EYA2: variants seen among roughly 807,000 people sequenced by gnomAD.
EYA2 encodes EYA transcriptional coactivator and phosphatase 2, also known as protein phosphatase EYA2.
Under a neutral mutation model 69.2 loss-of-function variants are expected in EYA2, and 31 were observed. That is an observed-to-expected ratio of 0.45 (90% CI 0.34 to 0.60). The LOEUF is 0.60. EYA2 is among the 20% of genes least tolerant of loss of function. EYA2 has a pLI of 0.02. For missense variants in EYA2, 622 were observed against 701.2 expected (o/e 0.89, Z 1.28); for synonymous variants, 257 against 279.4 (o/e 0.92, Z 0.80).
intron 10 of EYA2, among the ~76,000 whole-genome samples, chr20:47,159,474 C>T (rs528153379): frequency 2.6e-5 from 4 of 152,084 alleles, no homozygotes; most frequent in African/African-American, 9.6e-5. Context: ...AGGACAACTA[C>T]GTGTCATGTG....
intron 9 of EYA2, among the ~76,000 whole-genome samples, chr20:47,120,207 C>CA (rs539637891): frequency 8.5e-4 from 126 of 148,236 alleles, no homozygotes; most frequent in African/African-American, 2.2e-3. Context: ...GACTCCGCCT[C>CA]AAAAAAAAAA....
In EYA2 at chr20:47,127,490, G is replaced by A. The variant is rs151154413; in HGVS notation, c.889-15569G>A. Among the ~76,000 whole-genome samples, 382 of 152,306 alleles carry A rather than the reference G, an allele frequency of 2.5e-3. 2 individuals are homozygous for A. The highest frequency in any genetic ancestry group is 3.5e-3 in the Non-Finnish European group (235 of 68,032). On this transcript the variant is annotated intron_variant, in intron 9 of 15. Transcript: ENST00000327619. ...GTAGTGGCACACACCTGTAATCCCA[G>A]CTACTCAGGAGGCTGAGGCAGGAGA... is the stretch of plus-strand genomic sequence containing the variant.
At chr20:47,036,944 G>A (rs1426727349) in intron 5 of EYA2, among the ~76,000 whole-genome samples, 2 of 152,146 alleles carry the variant, frequency 1.3e-5, no homozygotes, top group African/African-American at 4.8e-5. Flanking sequence ...TTTTCACACT[G>A]CTATAAATAA....
Position 47,039,050 on chromosome 20 carries a change from A to G in EYA2, c.415+22753A>G, listed in dbSNP as rs569280741. Among the ~76,000 whole-genome samples, 458 of 152,280 alleles carry G rather than the reference A, an allele frequency of 3.0e-3. 3 individuals are homozygous for G. The highest frequency in any genetic ancestry group is 4.6e-3 in the Non-Finnish European group (313 of 68,024). ...CTGAGCCGCAAGAGGCTTGGGGCCA[A>G]GAACTGTGTCCTGTCCCTGAAATGG... On this transcript the variant is annotated intron_variant, in intron 5 of 15. Coordinates refer to ENST00000327619, the MANE Select transcript of EYA2 (RefSeq NM_005244.5).
intron 14 of EYA2, among the ~76,000 whole-genome samples, chr20:47,181,806 T>C (rs760866265): frequency 7.2e-5 from 11 of 152,208 alleles, no homozygotes; most frequent in Non-Finnish European, 1.2e-4. Flanking sequence ...CCAAACATTA[T>C]ATGAAAGTGC....
intron 1 of EYA2, among the ~76,000 whole-genome samples, chr20:46,926,555 C>T (rs1985422372): frequency 2.0e-5 from 3 of 152,164 alleles, no homozygotes; most frequent in Admixed American, 1.3e-4. Context: ...GGTGCCCACC[C>T]ACTTTGGGGA....
chr20:47,063,393 G>A (rs1203826305), intron 5 of EYA2, among the ~76,000 whole-genome samples: 3 of 7,952 alleles, frequency 3.8e-4, no homozygotes, highest in Non-Finnish European at 6.3e-4. Flanking sequence ...GTGCGTGTGC[G>A]TGTGTGTGTG....
intron 9 of EYA2, among the ~76,000 whole-genome samples, chr20:47,101,150 A>G (rs2032412649): frequency 6.6e-6 from 1 of 152,124 alleles, no homozygotes; most frequent in Non-Finnish European, 1.5e-5. Flanking sequence ...CAGTAGCACA[A>G]TCATAGCTCA....
At chr20:46,914,385 G>A (rs916234818) in intron 1 of EYA2, among the ~76,000 whole-genome samples, 1 of 152,226 alleles carries the variant, frequency 6.6e-6, no homozygotes, top group Non-Finnish European at 1.5e-5. Flanking sequence ...TGGAGTGGGT[G>A]TGTATTACTC....
At chr20:46,960,111 A>G (rs73305640) in intron 1 of EYA2, among the ~76,000 whole-genome samples, 1 of 152,108 alleles carries the variant, frequency 6.6e-6, no homozygotes, top group African/African-American at 2.4e-5. Context: ...ATTTTGTTTT[A>G]TTTTTCTATC....
chr20:47,117,691 A>T (rs541328825), intron 9 of EYA2: 1 of 985,458 alleles, frequency 1.0e-6, no homozygotes, highest in Admixed American at 6.1e-5. Flanking sequence ...GCAGCAGTTA[A>T]AAACTATTTG....
At chr20:47,186,651 G>A (rs143889916) in intron 15 of EYA2, among the ~76,000 whole-genome samples, 6 of 152,110 alleles carry the variant, frequency 3.9e-5, no homozygotes, top group East Asian at 1.9e-4. Context: ...GAGCCACCAC[G>A]CCCGGCCTCC....
intron 1 of EYA2, among the ~76,000 whole-genome samples, chr20:46,985,328 C>G (rs903958756): frequency 6.6e-6 from 1 of 152,166 alleles, no homozygotes; most frequent in Non-Finnish European, 1.5e-5. Context: ...TCCCCATTGG[C>G]TTGGCCTTCA....
At chr20:46,959,105 G>A (rs756642173) in intron 1 of EYA2, among the ~76,000 whole-genome samples, 7 of 152,246 alleles carry the variant, frequency 4.6e-5, no homozygotes, top group Admixed American at 2.6e-4. Flanking sequence ...TTAGGACTTT[G>A]AGGAATCGCC....
intron 8 of EYA2, among the ~76,000 whole-genome samples, chr20:47,092,217 C>T (rs1215780479): frequency 1.3e-5 from 2 of 149,666 alleles, no homozygotes; most frequent in South Asian, 2.1e-4. Context: ...GCTTGGTGCC[C>T]TACACTTGGT....
intron 1 of EYA2, among the ~76,000 whole-genome samples, chr20:46,944,504 A>C (rs1389638651): frequency 6.6e-6 from 1 of 152,162 alleles, no homozygotes; most frequent in Admixed American, 6.5e-5. Context: ...CACTCAGGGC[A>C]TGCAAGCCAC....
At chr20:46,899,454 G>A (rs557327247) in intron 1 of EYA2, among the ~76,000 whole-genome samples, 3 of 152,278 alleles carry the variant, frequency 2.0e-5, no homozygotes, top group Non-Finnish European at 4.4e-5. Context: ...GTTTATTTAA[G>A]GGCTAATTTG....
chr20:47,148,314 T>C (rs996155910), intron 10 of EYA2, among the ~76,000 whole-genome samples: 1 of 152,076 alleles, frequency 6.6e-6, no homozygotes, highest in African/African-American at 2.4e-5. Flanking sequence ...AGGATGGAGC[T>C]ATGTGAAAGC....
intron 4 of EYA2, among the ~76,000 whole-genome samples, chr20:47,007,432 T>C (rs1487486420): frequency 6.6e-6 from 1 of 151,980 alleles, no homozygotes; most frequent in Non-Finnish European, 1.5e-5. Context: ...GGGGAGGAAC[T>C]TGGCAATTCT....
Sources: gnomAD v4.1 joint callset for allele counts (sites outside exome capture counted in the v4.1 genomes callset) on GRCh38, gnomAD v4.1.1 for gene constraint, MANE v1.5 for transcripts, NCBI Gene and HGNC (gene_info 2026-07-23, HGNC 2026-07-21) for gene names.